The following CSMD1 variants were observed in gnomAD, a reference collection of about 807,000 sequenced individuals.
CSMD1 encodes the protein CUB and Sushi multiple domains 1.
Under a neutral mutation model 417.5 loss-of-function variants are expected in CSMD1, and 213 were observed. The observed-to-expected ratio is 0.51, with a 90% CI of 0.46 to 0.57. The LOEUF is 0.57. Among genes scored for constraint, CSMD1 ranks in the 20% least tolerant of loss-of-function variants. CSMD1 has a pLI of 0.00. For missense variants in CSMD1, 6,923 were observed against 4,529.7 expected (o/e 1.53, Z -15.17); for synonymous variants, 2,862 against 1,736.8 (o/e 1.65, Z -16.11).
At chr8:4,664,552 G>C (rs1030222042) in intron 1 of CSMD1, among the ~76,000 whole-genome samples, 2 of 152,102 alleles carry the variant, frequency 1.3e-5, no homozygotes, top group Admixed American at 6.5e-5. Flanking sequence ...TACAGCAAGA[G>C]CGTGTCTTGA....
At chr8:3,077,893 T>C (rs971740553) in intron 49 of CSMD1, among the ~76,000 whole-genome samples, 1 of 152,248 alleles carries the variant, frequency 6.6e-6, no homozygotes, top group African/African-American at 2.4e-5. Flanking sequence ...CTTTGCCTTT[T>C]ACTGATTTAG....
At chr8:3,892,740 C>CTT (rs1807068952) in intron 5 of CSMD1, among the ~76,000 whole-genome samples, 1 of 136,050 alleles carries the variant, frequency 7.4e-6, no homozygotes, top group Admixed American at 7.6e-5. Flanking sequence ...TTTTTTGCCA[C>CTT]TTCTGTGCAT....
intron 3 of CSMD1, among the ~76,000 whole-genome samples, chr8:4,362,800 A>G (rs1188747246): frequency 6.6e-6 from 1 of 152,202 alleles, no homozygotes; most frequent in African/African-American, 2.4e-5. Flanking sequence ...AAAGGGAATT[A>G]TTATTGTAGT....
At chr8:3,926,722 T>C (rs1160939352) in intron 5 of CSMD1, among the ~76,000 whole-genome samples, 8 of 144,142 alleles carry the variant, frequency 5.6e-5, no homozygotes, top group Admixed American at 4.9e-4. Context: ...ACCTTTTTTT[T>C]TTTTTTTTTT....
intron 1 of CSMD1, among the ~76,000 whole-genome samples, chr8:4,798,424 A>G (rs1401543804): frequency 2.6e-5 from 4 of 152,158 alleles, no homozygotes; most frequent in African/African-American, 9.7e-5. Flanking sequence ...TTTAAGGGAG[A>G]TATTTTATTT....
intron 1 of CSMD1, among the ~76,000 whole-genome samples, chr8:4,639,251 A>ATTTTTTTTTTTT (rs34704649): frequency 7.6e-6 from 1 of 131,448 alleles, no homozygotes; most frequent in Non-Finnish European, 1.6e-5. Context: ...GTGGTTGTCA[A>ATTTTTTTTTTTT]TTTTTTTTTT....
intron 49 of CSMD1, among the ~76,000 whole-genome samples, chr8:3,080,599 C>T (rs1322790930): frequency 2.0e-5 from 3 of 152,134 alleles, no homozygotes; most frequent in South Asian, 2.1e-4. Context: ...GATCTCTGTC[C>T]GGGTTGTGGC....
At chr8:4,646,352 G>C (rs1487029225) in intron 1 of CSMD1, among the ~76,000 whole-genome samples, 1 of 152,116 alleles carries the variant, frequency 6.6e-6, no homozygotes, top group East Asian at 1.9e-4. Context: ...CCCTACATTT[G>C]AAATCATGCT....
chr8:4,648,971 G>C (rs1189256375), intron 1 of CSMD1, among the ~76,000 whole-genome samples: 2 of 152,218 alleles, frequency 1.3e-5, no homozygotes, highest in East Asian at 1.9e-4. Flanking sequence ...TAGTATCCTA[G>C]GGCCCTGGAG....
chr8:3,347,545 T>G (rs1164370268), intron 22 of CSMD1, among the ~76,000 whole-genome samples: 1 of 152,188 alleles, frequency 6.6e-6, no homozygotes, highest in Non-Finnish European at 1.5e-5. Context: ...TGACCACATT[T>G]AAAAATCAAG....
At chr8:4,529,070 T>G (rs1433803870) in intron 2 of CSMD1, among the ~76,000 whole-genome samples, 1 of 152,162 alleles carries the variant, frequency 6.6e-6, no homozygotes, top group Non-Finnish European at 1.5e-5. Context: ...ATCTGAAAAG[T>G]TGATCAGAGG....
At chr8:3,971,794 A>C (rs2554627) in intron 5 of CSMD1, among the ~76,000 whole-genome samples, 40,412 of 152,128 alleles carry the variant, frequency 0.27, 5,474 homozygotes, top group Admixed American at 0.34. Flanking sequence ...GAACAGAATT[A>C]AATATTAACT....
chr8:3,266,375 G>A (rs1354292509), intron 26 of CSMD1, among the ~76,000 whole-genome samples: 1 of 151,822 alleles, frequency 6.6e-6, no homozygotes, highest in Non-Finnish European at 1.5e-5. Flanking sequence ...GGAGGCTGAG[G>A]CGGGTGGATC....
intron 3 of CSMD1, among the ~76,000 whole-genome samples, chr8:4,243,632 A>T (rs1347987820): frequency 1.3e-5 from 2 of 152,170 alleles, no homozygotes; most frequent in Non-Finnish European, 2.9e-5. Flanking sequence ...AACACAGAAA[A>T]TTATTACAGT....
intron 1 of CSMD1, among the ~76,000 whole-genome samples, chr8:4,895,280 A>C (rs781232906): frequency 6.6e-6 from 1 of 152,160 alleles, no homozygotes; most frequent in African/African-American, 2.4e-5. Context: ...TGTTACGATT[A>C]TGAAAATGGT....
intron 3 of CSMD1, among the ~76,000 whole-genome samples, chr8:4,388,526 G>A (rs1803624316): frequency 6.7e-6 from 1 of 149,084 alleles, no homozygotes; most frequent in Non-Finnish European, 1.5e-5. Flanking sequence ...GCATAAGAAG[G>A]ATACAGTGGA....
intron 5 of CSMD1, among the ~76,000 whole-genome samples, chr8:3,950,557 G>T (rs573423266): frequency 6.6e-6 from 1 of 152,210 alleles, no homozygotes; most frequent in Non-Finnish European, 1.5e-5. Context: ...CAATACAAGC[G>T]TTCCGCTTGC....
chr8:4,979,476 C>A (rs888390330), intron 1 of CSMD1, among the ~76,000 whole-genome samples: 2 of 152,138 alleles, frequency 1.3e-5, no homozygotes, highest in Non-Finnish European at 2.9e-5. Flanking sequence ...CTTTAGAACA[C>A]TTGAGTGTGT....
In CSMD1 at chr8:4,227,267, T is replaced by C. The variant is rs115497601; in HGVS notation, c.415+192686A>G. Among the ~76,000 whole-genome samples the C allele has an allele frequency of 5.2e-3, 797 of 152,254 alleles. 6 individuals are homozygous for C. The highest frequency in any genetic ancestry group is 0.017 in the African/African-American group (713 of 41,522). Reference sequence around the variant, plus strand: ...TCATTAGCAACATGGACGAGCAAGATGGCGACCACATATCCCCTCGGTCTG... The same window carrying C: ...TCATTAGCAACATGGACGAGCAAGACGGCGACCACATATCCCCTCGGTCTG... On this transcript the variant is annotated intron_variant, in intron 3 of 69. Coordinates refer to ENST00000635120, the MANE Select transcript of CSMD1 (RefSeq NM_033225.6).
Sources: allele counts gnomAD v4.1 joint callset (sites outside exome capture counted in the v4.1 genomes callset), GRCh38; gene constraint gnomAD v4.1.1; transcripts MANE v1.5; gene names NCBI Gene and HGNC (gene_info 2026-07-23, HGNC 2026-07-21).